The following ASCC3 variants were observed in gnomAD, a reference collection of about 807,000 sequenced individuals.
ASCC3 encodes the protein ASC-1 complex subunit P200.
Under a neutral mutation model 256.3 loss-of-function variants are expected in ASCC3, and 158 were observed. That is an observed-to-expected ratio of 0.62 (90% CI 0.54 to 0.70). ASCC3 has a LOEUF of 0.70. ASCC3 is among the 30% of genes least tolerant of loss of function. The pLI is 0.00. For missense variants in ASCC3, 2,259 were observed against 2,626.0 expected, an observed-to-expected ratio of 0.86 and a Z score of 3.05; for synonymous variants, 948 against 883.4, an observed-to-expected ratio of 1.07 and a Z score of -1.30.
chr6:100,849,377 G>A (rs1425050235), intron 3 of ASCC3, among the ~76,000 whole-genome samples: 1 of 152,064 alleles, frequency 6.6e-6, no homozygotes, highest in Non-Finnish European at 1.5e-5. Flanking sequence ...GTAAGGTACA[G>A]AAAACAATCT....
chr6:100,533,169 G>A (rs780244478), intron 37 of ASCC3, among the ~76,000 whole-genome samples: 20 of 151,190 alleles, frequency 1.3e-4, no homozygotes, highest in Non-Finnish European at 2.2e-4. Flanking sequence ...ATTCGTTTGT[G>A]GCCTAGTGCC....
chr6:100,709,338 G>A (rs1306053154), intron 13 of ASCC3, among the ~76,000 whole-genome samples: 1 of 152,078 alleles, frequency 6.6e-6, no homozygotes, highest in Non-Finnish European at 1.5e-5. Flanking sequence ...TAATAATGGA[G>A]GAATAACCAA....
At chr6:100,875,714 G>T (rs937650504) in intron 1 of ASCC3, among the ~76,000 whole-genome samples, 1 of 147,304 alleles carries the variant, frequency 6.8e-6, no homozygotes, top group African/African-American at 2.6e-5. Flanking sequence ...TATGACAACA[G>T]AAAAGAAAGT....
At chr6:100,778,518 C>T (rs552647834) in intron 8 of ASCC3, among the ~76,000 whole-genome samples, 1 of 152,038 alleles carries the variant, frequency 6.6e-6, no homozygotes, top group South Asian at 2.1e-4. Context: ...TGTTAGAAAT[C>T]TTCTTTTTGT....
At chr6:100,815,040 G>C (rs1487935823) in intron 4 of ASCC3, among the ~76,000 whole-genome samples, 2 of 151,824 alleles carry the variant, frequency 1.3e-5, no homozygotes, top group African/African-American at 4.8e-5. Flanking sequence ...TTGTTAAATT[G>C]AGATCTTTCT....
intron 1 of ASCC3, among the ~76,000 whole-genome samples, chr6:100,879,553 G>A (rs766935187): frequency 6.6e-6 from 1 of 152,132 alleles, no homozygotes; most frequent in Non-Finnish European, 1.5e-5. Context: ...TTGGGAGGCC[G>A]ATGCAGGAGG....
intron 8 of ASCC3, among the ~76,000 whole-genome samples, chr6:100,794,437 C>A (rs1229313968): frequency 2.6e-5 from 4 of 152,020 alleles, no homozygotes; most frequent in Non-Finnish European, 5.9e-5. Context: ...GTCTATCTGG[C>A]AAAAGTGTAT....
chr6:100,828,092 T>TAAG (rs1345490048), intron 4 of ASCC3, among the ~76,000 whole-genome samples: 2 of 125,354 alleles, frequency 1.6e-5, no homozygotes, highest in Middle Eastern at 4.5e-3. Flanking sequence ...CAGTATTTTC[T>TAAG]AAAAAAAAAA....
intron 14 of ASCC3, among the ~76,000 whole-genome samples, chr6:100,675,120 G>A (rs976539089): frequency 2.9e-5 from 4 of 137,104 alleles, no homozygotes; most frequent in Non-Finnish European, 6.3e-5. Context: ...ATGCAATTAA[G>A]CAAACAGTTG....
intron 10 of ASCC3, among the ~76,000 whole-genome samples, chr6:100,761,617 G>A (rs759830927): frequency 3.9e-5 from 6 of 152,194 alleles, no homozygotes; most frequent in Non-Finnish European, 8.8e-5. Flanking sequence ...GGCAGCAACT[G>A]CCAGTAAGAA....
intron 4 of ASCC3, among the ~76,000 whole-genome samples, chr6:100,842,996 TA>T (rs1265890033): frequency 1.3e-5 from 2 of 151,950 alleles, no homozygotes; most frequent in Non-Finnish European, 2.9e-5. Context: ...TAAGAAAGAC[TA>T]AAAAACAAAT....
At chr6:100,797,588 A>G (rs1769694611) in intron 8 of ASCC3, among the ~76,000 whole-genome samples, 1 of 151,954 alleles carries the variant, frequency 6.6e-6, no homozygotes, top group African/African-American at 2.4e-5. Context: ...CAATTGTATT[A>G]TAATTGTTTA....
chr6:100,670,034 T>C (rs1227028035), intron 14 of ASCC3, among the ~76,000 whole-genome samples: 1 of 151,526 alleles, frequency 6.6e-6, no homozygotes, highest in Non-Finnish European at 1.5e-5. Flanking sequence ...AAAATAAACA[T>C]CAAGGATTAA....
chr6:100,827,013 G>T (rs1355287852), intron 4 of ASCC3, among the ~76,000 whole-genome samples: 3 of 152,178 alleles, frequency 2.0e-5, no homozygotes, highest in African/African-American at 7.2e-5. Flanking sequence ...TGTCTACCAT[G>T]TTGGAGAGCA....
chr6:100,806,993 C>T (rs1770216995), intron 4 of ASCC3, among the ~76,000 whole-genome samples: 1 of 151,802 alleles, frequency 6.6e-6, no homozygotes, highest in Non-Finnish European at 1.5e-5. Context: ...AGAAAATTTA[C>T]ACAAATTGGC....
At chr6:100,540,118 A>G in intron 37 of ASCC3, 45 bp downstream of exon 37, 1 of 1,527,808 alleles carries the variant, frequency 6.5e-7, no homozygotes, top group Non-Finnish European at 9.1e-7. Flanking sequence ...GAGGGCAGGA[A>G]TGATGGGAGA....
At chr6:100,571,332 A>G (rs1770581121) in intron 36 of ASCC3, among the ~76,000 whole-genome samples, 1 of 152,122 alleles carries the variant, frequency 6.6e-6, no homozygotes, top group Non-Finnish European at 1.5e-5. Flanking sequence ...GCATTCCTTT[A>G]CCATCATAAA....
At chr6:100,628,412 A>C (rs1049883528) in intron 27 of ASCC3, among the ~76,000 whole-genome samples, 1 of 152,188 alleles carries the variant, frequency 6.6e-6, no homozygotes, top group African/African-American at 2.4e-5. Context: ...TGCTAATTGC[A>C]TGTTTAACTG....
At chr6:100,687,026 T>TCACACACACACACA (rs1489836127) in intron 13 of ASCC3, among the ~76,000 whole-genome samples, 13 of 73,166 alleles carry the variant, frequency 1.8e-4, no homozygotes, top group Non-Finnish European at 3.0e-4. Flanking sequence ...TCTCTCTCTC[T>TCACACACACACACA]CTCTCTCTCA....
Sources: gnomAD v4.1 joint callset for allele counts (sites outside exome capture counted in the v4.1 genomes callset) on GRCh38, gnomAD v4.1.1 for gene constraint, MANE v1.5 for transcripts, NCBI Gene and HGNC (gene_info 2026-07-23, HGNC 2026-07-21) for gene names.